Variants in TTC7A observed in about 807,000 individuals in gnomAD.
TTC7A encodes the protein tetratricopeptide repeat protein 7A.
A neutral mutation model predicts 103.7 loss-of-function variants in TTC7A; 110 were observed. The ratio of observed to expected loss-of-function variants is 1.06; its 90% CI spans 0.91 to 1.24. TTC7A has a LOEUF of 1.24. Ranked by LOEUF, TTC7A falls within the 50% of genes most tolerant of loss-of-function variation. The pLI is 0.00. For missense variants in TTC7A, 1,340 were observed against 1,116.3 expected, an observed-to-expected ratio of 1.20 and a Z score of -2.86; for synonymous variants, 521 against 467.9, an observed-to-expected ratio of 1.11 and a Z score of -1.47.
intron 2 of TTC7A, among the ~76,000 whole-genome samples, chr2:46,931,689 C>CATA (rs528244768): frequency 0.07 from 8,202 of 116,704 alleles, 269 homozygotes; most frequent in African/African-American, 0.14. Context: ...CAAAAACAGA[C>CATA]AATAATAAAT....
intron 8 of TTC7A, 34 bp from the exon 9 acceptor site, chr2:47,005,888 C>T (rs767123798): frequency 4.3e-6 from 7 of 1,613,000 alleles, no homozygotes; most frequent in African/African-American, 1.3e-5. Flanking sequence ...TATCTACTCT[C>T]CTCACTCTTT....
chr2:47,045,853 G>A (rs1482638481), intron 15 of TTC7A, among the ~76,000 whole-genome samples: 2 of 152,172 alleles, frequency 1.3e-5, no homozygotes, highest in Non-Finnish European at 2.9e-5. Flanking sequence ...CTTCACTCAC[G>A]GATTCTAAGT....
At chr2:46,981,333 G>T (rs1208549505) in intron 5 of TTC7A, among the ~76,000 whole-genome samples, 1 of 151,770 alleles carries the variant, frequency 6.6e-6, no homozygotes, top group Non-Finnish European at 1.5e-5. Context: ...TTTCCTTCCT[G>T]CTTATCTCCC....
At chr2:46,966,851 T>G (rs1672899889) in intron 3 of TTC7A, among the ~76,000 whole-genome samples, 1 of 150,696 alleles carries the variant, frequency 6.6e-6, no homozygotes, top group Non-Finnish European at 1.5e-5. Context: ...TCATAGAGTA[T>G]ACATTTTTTG....
intron 11 of TTC7A, among the ~76,000 whole-genome samples, chr2:47,018,353 C>G (rs913263893): frequency 1.3e-5 from 2 of 151,026 alleles, no homozygotes; most frequent in South Asian, 4.2e-4. Flanking sequence ...GAGGCCAATG[C>G]AGGTGGATCA....
At chr2:46,993,309 C>G (rs1227649294) in intron 5 of TTC7A, 141 bp from the exon 6 acceptor site, 1 of 762,552 alleles carries the variant, frequency 1.3e-6, no homozygotes, top group South Asian at 1.7e-5. Context: ...TGTTACAACT[C>G]TAACTTTTCA....
intron 6 of TTC7A, among the ~76,000 whole-genome samples, 153 bp downstream of exon 6, chr2:46,993,681 C>A (rs548627165): frequency 1.3e-5 from 2 of 152,162 alleles, no homozygotes; most frequent in Admixed American, 1.3e-4. Flanking sequence ...GCATCCTTTC[C>A]CACGCAGCCA....
intron 18 of TTC7A, chr2:47,054,346 C>A: frequency 5.2e-6 from 1 of 193,250 alleles, no homozygotes; most frequent in South Asian, 1.8e-4. Flanking sequence ...TCCAGGATGG[C>A]TCTCTGCCAC....
Position 47,073,893 on chromosome 2 carries a change from G to A in TTC7A, c.2547G>A (p.Leu849=), listed in dbSNP as rs770156094. The A allele has an allele frequency of 6.2e-7, 1 of 1,613,024 alleles. No homozygotes were observed. The highest frequency in any genetic ancestry group is 2.2e-5 in the East Asian group (1 of 44,878). ...AGCTGGAGGCCAGCAGCCCTGTACT[G>A]CCCTTCTCCATCATCCCCAGAGAGC... The part of the protein sequence containing the change: ...ALELEASSPV[L]PFSIIPREL Residue 849 remains leucine, a synonymous_variant, in exon 20 of 20, where the codon CTG becomes CTA. Coordinates refer to ENST00000319190, the MANE Select transcript of TTC7A (RefSeq NM_020458.4).
intron 3 of TTC7A, among the ~76,000 whole-genome samples, chr2:46,968,634 T>C (rs1482674184): frequency 6.6e-6 from 1 of 152,214 alleles, no homozygotes; most frequent in Non-Finnish European, 1.5e-5. Flanking sequence ...GCCCTGTGTA[T>C]ATTGGAAATT....
In TTC7A at chr2:47,024,292, A is replaced by G. The variant is rs372188872; in HGVS notation, c.1574A>G (p.Gln525Arg). The stretch of plus-strand genomic sequence containing the variant: ...CACTCCCTCTCCCCACACAGGGCTC[A>G]GCAGCTGGCGCCCAGTGACCCCCAG... ...RKALQTLERA[Q>R]QLAPSDPQVI... is the part of the protein sequence containing the mutation. The change falls in exon 14 of 20, where the codon CAG becomes CGG. Residue 525 changes from glutamine to arginine, a missense_variant. By Grantham distance (43) the Gln-to-Arg change is conservative (BLOSUM62 1). Coordinates refer to ENST00000319190, the MANE Select transcript of TTC7A (RefSeq NM_020458.4). 26 of 1,605,194 alleles carry G rather than the reference A, an allele frequency of 1.6e-5. No individual in the cohort carries two copies. Among genetic ancestry groups the G allele is most frequent in the Non-Finnish European group, 2.1e-5 (25 of 1,175,524 alleles).
chr2:47,024,795 T>C (rs370364482), intron 14 of TTC7A, among the ~76,000 whole-genome samples: 1 of 152,142 alleles, frequency 6.6e-6, no homozygotes, highest in South Asian at 2.1e-4. Flanking sequence ...CCATCAGGCC[T>C]TGGCTTCTGG....
intron 11 of TTC7A, among the ~76,000 whole-genome samples, chr2:47,014,867 A>G (rs376077023): frequency 7.9e-5 from 12 of 152,378 alleles, no homozygotes; most frequent in Middle Eastern, 6.8e-3. Context: ...CCAGAGGCGG[A>G]GCACCTGCTC....
At chr2:46,930,288 AAG>A (rs58001266) in intron 2 of TTC7A, among the ~76,000 whole-genome samples, 5,054 of 152,118 alleles carry the variant, frequency 0.033, 287 homozygotes, top group African/African-American at 0.11. Flanking sequence ...AAATTTTAAA[AAG>A]AGATAATGCA....
In TTC7A at chr2:47,011,391, G is replaced by C; in HGVS notation, c.1348G>C (p.Val450Leu). ...CVKLRPSDPT[V>L]PLMAAKVCIG... is the part of the protein sequence containing the mutation. ...GAAGTTGCGGCCCTCGGACCCCACCGTGCCCCTGATGGCCGCGAAGGTCTG... is the reference window on the plus strand; with the variant it reads ...GAAGTTGCGGCCCTCGGACCCCACCCTGCCCCTGATGGCCGCGAAGGTCTG... The change falls in exon 11 of 20, where the codon GTG (valine) becomes CTG (leucine). Residue 450 changes from valine (V) to leucine (L), a missense_variant. Coordinates refer to ENST00000319190, the MANE Select transcript of TTC7A (RefSeq NM_020458.4). 6.2e-7 allele frequency: 1 copy of C among 1,611,710 alleles called. No homozygotes were observed. The highest frequency in any genetic ancestry group is 1.3e-5 in the African/African-American group (1 of 75,026).
intron 18 of TTC7A, among the ~76,000 whole-genome samples, chr2:47,059,518 T>TC (rs895376799): frequency 5.5e-4 from 83 of 152,098 alleles, no homozygotes; most frequent in Non-Finnish European, 2.4e-4. Flanking sequence ...TCCCTCATCC[T>TC]CCCACCCCAT....
At chr2:46,998,160 G>A (rs1263005755) in intron 8 of TTC7A, among the ~76,000 whole-genome samples, 1 of 152,178 alleles carries the variant, frequency 6.6e-6, no homozygotes, top group Non-Finnish European at 1.5e-5. Flanking sequence ...CTGAGGCTGG[G>A]AGGAGGCACC....
At chr2:46,958,108 C>T (rs748563421) in intron 3 of TTC7A, among the ~76,000 whole-genome samples, 1 of 152,120 alleles carries the variant, frequency 6.6e-6, no homozygotes, top group African/African-American at 2.4e-5. Context: ...CCTGTCTCCC[C>T]TGGGTCCCAG....
At chr2:46,966,068 G>A (rs973058089) in intron 3 of TTC7A, among the ~76,000 whole-genome samples, 8 of 151,938 alleles carry the variant, frequency 5.3e-5, no homozygotes, top group South Asian at 2.1e-4. Context: ...TCCTGCCTCC[G>A]CCTCCCGAGT....
Sources: gnomAD v4.1 joint callset for allele counts (sites outside exome capture counted in the v4.1 genomes callset) on GRCh38, gnomAD v4.1.1 for gene constraint, MANE v1.5 for transcripts, NCBI Gene and HGNC (gene_info 2026-07-23, HGNC 2026-07-21) for gene names.